The following ANK2 variants were observed in gnomAD, a reference collection of about 807,000 sequenced individuals.
The protein encoded by ANK2 is ankyrin-2.
ANK2 carries 83 observed loss-of-function variants against 360.5 expected under a neutral mutation model. The ratio of observed to expected loss-of-function variants is 0.23; its 90% CI spans 0.19 to 0.28. The LOEUF (loss-of-function observed/expected upper bound fraction) is 0.28, where lower values mean the gene tolerates loss of function less well. Among genes scored for constraint, ANK2 ranks in the 10% least tolerant of loss-of-function variants. The probability of loss-of-function intolerance (pLI) is 1.00; values close to 1 mark genes in which losing one functional copy is unlikely to be tolerated. For synonymous variants in ANK2, 1,740 were observed against 1,759.5 expected (o/e 0.99, Z 0.28); for missense variants, 4,201 against 4,795.7 (o/e 0.88, Z 3.66).
chr4:113,371,206 C>T (rs985446236), intron 43 of ANK2, among the ~76,000 whole-genome samples: 3 of 152,076 alleles, frequency 2.0e-5, no homozygotes, highest in Non-Finnish European at 4.4e-5. Flanking sequence ...TTTTTGTTCA[C>T]TGTAAGAATG....
chr4:113,173,761 G>C (rs531217991), intron 1 of ANK2, among the ~76,000 whole-genome samples: 1 of 152,158 alleles, frequency 6.6e-6, no homozygotes. Context: ...TTTTAGTCTG[G>C]TATTATGTCA....
At chr4:112,885,332 C>T (rs189485547) in intron 1 of ANK2, among the ~76,000 whole-genome samples, 1 of 150,962 alleles carries the variant, frequency 6.6e-6, no homozygotes, top group East Asian at 2.0e-4. Context: ...AACCCTGTCT[C>T]TACTAAAAAT....
chr4:112,845,817 T>C (rs753237632), intron 1 of ANK2, among the ~76,000 whole-genome samples: 46 of 152,368 alleles, frequency 3.0e-4, no homozygotes, highest in Middle Eastern at 3.4e-3. Context: ...TTTTTAAATG[T>C]TGGTGATTTT....
Position 113,049,807 on chromosome 4 carries a change from A to T in ANK2, c.79A>T (p.Lys27Ter). 1 of 1,613,718 alleles carries T rather than the reference A, an allele frequency of 6.2e-7. No homozygotes were observed. Among genetic ancestry groups the T allele is most frequent in the Non-Finnish European group, 8.5e-7 (1 of 1,179,752 alleles). The change falls in exon 1 of 46, where the codon AAG (lysine) becomes TAG (stop). Residue 27 changes from lysine (K) to a stop codon, truncating the protein, a stop_gained. Transcript: ENST00000357077. LOFTEE classifies it high-confidence loss of function. ...NGSSQRRKRP[K>*]KSDSNASFLR... is the part of the protein sequence containing the mutation. The stretch of plus-strand genomic sequence containing the variant: ...CAGTAGTCAGAGGAGAAAAAGACCC[A>T]AGAAGGTAAATCGCCGGAATTAGGA...
chr4:112,827,824 T>A (rs958812292), intron 1 of ANK2, among the ~76,000 whole-genome samples: 17 of 152,140 alleles, frequency 1.1e-4, no homozygotes, highest in Non-Finnish European at 2.5e-4. Flanking sequence ...ACTATTCCTA[T>A]CTAAGTGACA....
chr4:112,782,576 C>T, the ANK2 span, among the ~76,000 whole-genome samples: 1 of 151,824 alleles, frequency 6.6e-6, no homozygotes, highest in African/African-American at 2.4e-5. Context: ...GTGAAGAAAC[C>T]AGATTAAAGG....
chr4:113,323,719 T>A, intron 26 of ANK2: 1 of 1,584,064 alleles, frequency 6.3e-7, no homozygotes, highest in South Asian at 1.2e-5. Context: ...TTTCACTTTA[T>A]CCGTTCCTTC....
chr4:112,835,721 A>C (rs2060849087), intron 1 of ANK2, among the ~76,000 whole-genome samples: 1 of 152,202 alleles, frequency 6.6e-6, no homozygotes, highest in East Asian at 1.9e-4. Context: ...AAACTATCAA[A>C]ATGCTTGGTA....
intron 2 of ANK2, among the ~76,000 whole-genome samples, chr4:112,982,961 C>T (rs539501515): frequency 6.6e-6 from 1 of 152,234 alleles, no homozygotes; most frequent in African/African-American, 2.4e-5. Flanking sequence ...GTTTTATACT[C>T]TGTTTGAAGA....
chr4:113,244,131 C>G (rs892933737), intron 9 of ANK2, among the ~76,000 whole-genome samples: 2 of 152,142 alleles, frequency 1.3e-5, no homozygotes, highest in Middle Eastern at 3.4e-3. Flanking sequence ...CATAGTGCAG[C>G]CTTTAGATAC....
chr4:113,309,616 T>A (rs954495521), intron 23 of ANK2, among the ~76,000 whole-genome samples: 1 of 152,152 alleles, frequency 6.6e-6, no homozygotes, highest in African/African-American at 2.4e-5. Flanking sequence ...CTTCCTGGGC[T>A]CAAGCGATTC....
intron 7 of ANK2, among the ~76,000 whole-genome samples, chr4:113,239,835 C>T (rs1043864341): frequency 2.0e-5 from 3 of 151,954 alleles, no homozygotes; most frequent in Non-Finnish European, 4.4e-5. Flanking sequence ...GAACTTTTTT[C>T]TTCCTTTTAT....
chr4:113,010,516 G>GTT (rs2054370723), intron 2 of ANK2, among the ~76,000 whole-genome samples: 1 of 152,128 alleles, frequency 6.6e-6, no homozygotes, highest in Non-Finnish European at 1.5e-5. Context: ...GAACAAGACA[G>GTT]TTAAGGTCCC....
rs528968659 is a variant in ANK2, at chr4:113,317,745, G to A, written c.2732G>A (p.Ser911Asn). The change falls in exon 25 of 46, where the codon AGC becomes AAC. Residue 911 changes from serine (S) to asparagine (N), a missense_variant. This residue lies in a region of ANK2 where 1,268 missense variants were observed against 1,650.8 expected (regional missense o/e 0.77). Coordinates refer to ENST00000357077, the MANE Select transcript of ANK2 (RefSeq NM_001148.6). The part of the protein sequence containing the change: ...SFSSDRSHTL[S>N]HASYLRDSAV... ...AGTTCCGACAGGTCTCACACTCTGA[G>A]CCATGCCTCCTACCTGAGGGACAGT... The A allele has an allele frequency of 1.2e-6, 2 of 1,614,114 alleles. No homozygotes were observed. The highest frequency in any genetic ancestry group is 1.7e-4 in the Middle Eastern group (1 of 6,032).
intron 1 of ANK2, among the ~76,000 whole-genome samples, chr4:112,839,605 A>T (rs1161046430): frequency 6.6e-6 from 1 of 152,240 alleles, no homozygotes; most frequent in African/African-American, 2.4e-5. Context: ...TCAGATTTGG[A>T]GCATCAAAAA....
At chr4:113,242,318 AATTGCTTT>A in intron 9 of ANK2, 109 bp downstream of exon 9, 1 of 949,972 alleles carries the variant, frequency 1.1e-6, no homozygotes, top group South Asian at 1.4e-5. Flanking sequence ...TTTTCAAGGA[AATTGCTTT>A]ATTGGAATTG....
intron 4 of ANK2, among the ~76,000 whole-genome samples, chr4:113,211,674 G>T (rs1483355138): frequency 6.6e-6 from 1 of 152,096 alleles, no homozygotes; most frequent in Non-Finnish European, 1.5e-5. Flanking sequence ...ACTGGAAGGG[G>T]CTATTAGAGA....
intron 34 of ANK2, among the ~76,000 whole-genome samples, chr4:113,344,565 G>T (rs1040265763): frequency 5.5e-4 from 83 of 152,214 alleles, no homozygotes; most frequent in Non-Finnish European, 2.6e-4. Flanking sequence ...AGAATTTAAA[G>T]TAGAGACTCA....
intron 2 of ANK2, among the ~76,000 whole-genome samples, chr4:112,991,963 A>AT (rs1169447165): frequency 6.6e-6 from 1 of 151,710 alleles, no homozygotes; most frequent in African/African-American, 2.4e-5. Flanking sequence ...GTATTTCTAC[A>AT]TTTTGTACAT....
Sources: gnomAD v4.1 joint callset for allele counts (sites outside exome capture counted in the v4.1 genomes callset) on GRCh38, gnomAD v4.1.1 for gene constraint, gnomAD v4.1.1 regional missense constraint, MANE v1.5 for transcripts, NCBI Gene and HGNC (gene_info 2026-07-23, HGNC 2026-07-21) for gene names.